The following CCDC85C variants were observed in gnomAD, a reference collection of about 807,000 sequenced individuals.
CCDC85C encodes the protein coiled-coil domain-containing protein 85C.
Under a neutral mutation model 38.3 loss-of-function variants are expected in CCDC85C, and 18 were observed. The ratio of observed to expected loss-of-function variants is 0.47; its 90% confidence interval spans 0.33 to 0.70. The LOEUF (loss-of-function observed/expected upper bound fraction) is 0.70, where lower values mean the gene tolerates loss of function less well. CCDC85C is among the 30% of genes least tolerant of loss of function. The pLI, the probability that CCDC85C is intolerant of heterozygous loss-of-function variation, is 0.03. For missense variants in CCDC85C, 566 were observed against 621.2 expected (o/e 0.91, Z 0.94); for synonymous variants, 264 against 293.8 (o/e 0.90, Z 1.04).
intron 1 of CCDC85C, among the ~76,000 whole-genome samples, chr14:99,593,256 T>C (rs1157211827): frequency 6.6e-6 from 1 of 152,240 alleles, no homozygotes; most frequent in Admixed American, 6.5e-5. Context: ...CCTTACAACC[T>C]GGGAGCCAAC....
chr14:99,564,392 T>G (rs1348542074), intron 1 of CCDC85C, among the ~76,000 whole-genome samples: 1 of 152,192 alleles, frequency 6.6e-6, no homozygotes, highest in Non-Finnish European at 1.5e-5. Context: ...ATGCCCCATA[T>G]GCCTGTGCCC....
intron 1 of CCDC85C, among the ~76,000 whole-genome samples, chr14:99,594,545 G>A (rs1409103758): frequency 6.6e-6 from 1 of 152,224 alleles, no homozygotes; most frequent in Non-Finnish European, 1.5e-5. Flanking sequence ...AACCCAGGCT[G>A]TAGGGCATAG....
intron 1 of CCDC85C, among the ~76,000 whole-genome samples, chr14:99,559,804 G>C (rs1362562531): frequency 6.6e-6 from 1 of 152,074 alleles, no homozygotes; most frequent in Non-Finnish European, 1.5e-5. Flanking sequence ...AGCGTGGACT[G>C]AAAAAGCCAG....
At chr14:99,564,967 C>T (rs993426109) in intron 1 of CCDC85C, among the ~76,000 whole-genome samples, 3 of 152,184 alleles carry the variant, frequency 2.0e-5, no homozygotes, top group African/African-American at 7.2e-5. Flanking sequence ...ATCTGCGTGG[C>T]GGCAGCTGCC....
chr14:99,571,345 G>GTAATAATAA lies in CCDC85C; in HGVS notation c.793+31813_793+31821dup, dbSNP rs3070433. 9.1e-3 allele frequency among the ~76,000 whole-genome samples: 1,363 copies of GTAATAATAA among 149,946 alleles called. 20 individuals are homozygous for GTAATAATAA. The highest frequency in any genetic ancestry group is 0.029 in the African/African-American group (1,167 of 40,602). ...AGCCACAGCAGCAATAGTAGTAGTAGTAATAATAATAATAATAATAATAAT... is the reference window on the plus strand; with the variant it reads ...AGCCACAGCAGCAATAGTAGTAGTAGTAATAATAATAATAATAATAATAATAATAATAAT... On this transcript the variant is annotated intron_variant, in intron 1 of 5. Transcript: ENST00000380243.
chr14:99,540,632 G>T (rs113074155), intron 1 of CCDC85C, among the ~76,000 whole-genome samples: 1 of 152,264 alleles, frequency 6.6e-6, no homozygotes, highest in Admixed American at 6.5e-5. Context: ...TGGCCAAGGG[G>T]TCCCCTGGGG....
chr14:99,532,968 G>A (rs1276683469), intron 2 of CCDC85C, among the ~76,000 whole-genome samples: 1 of 152,072 alleles, frequency 6.6e-6, no homozygotes, highest in Non-Finnish European at 1.5e-5. Flanking sequence ...TTTTAGTAGA[G>A]ACGAGGTTTT....
rs1437344261 is a variant in CCDC85C, at chr14:99,507,825, A to G, written c.*7421T>C. On this transcript the variant is annotated 3_prime_UTR_variant, in exon 6 of 6. Transcript: ENST00000380243. ...AGAATAAGCAATTGTACAGAGAGTA[A>G]ATGAAAGAGTGAAAAGTTCTCAACA... is the stretch of plus-strand genomic sequence containing the variant. 1 of 152,258 alleles carries G rather than the reference A, an allele frequency of 6.6e-6. No homozygotes were observed. Among genetic ancestry groups the G allele is most frequent in the African/African-American group, 2.4e-5 (1 of 41,434 alleles). The allele number at this position is 152,258 out of a possible 1,614,324, so 9.4% of individuals were successfully genotyped here.
chr14:99,571,297 G>T (rs1898336298), intron 1 of CCDC85C, among the ~76,000 whole-genome samples: 1 of 152,046 alleles, frequency 6.6e-6, no homozygotes, highest in South Asian at 2.1e-4. Context: ...AGGCCTGCCT[G>T]CCAGAGCTAC....
chr14:99,600,610 C>G lies in CCDC85C; in HGVS notation c.793+2557G>C, dbSNP rs901227261. On this transcript the variant is annotated intron_variant, in intron 1 of 5. Transcript: ENST00000380243. ...GAGATGATCATGGCAGCAAACCCAC[C>G]CAGGACAGGTACTTCCAATGTCAGC... Among the ~76,000 whole-genome samples, 9 of 152,204 alleles carry G rather than the reference C, an allele frequency of 5.9e-5. No homozygotes were observed. The East Asian group carries it at 1.7e-3, about 29-fold the overall frequency.
chr14:99,573,596 T>C (rs1898405708), intron 1 of CCDC85C, among the ~76,000 whole-genome samples: 1 of 152,314 alleles, frequency 6.6e-6, no homozygotes, highest in Non-Finnish European at 1.5e-5. Flanking sequence ...GGCCTGGACG[T>C]TCTGGCTCAA....
chr14:99,523,914 C>T (rs1897336460), intron 2 of CCDC85C, among the ~76,000 whole-genome samples: 1 of 151,924 alleles, frequency 6.6e-6, no homozygotes, highest in Non-Finnish European at 1.5e-5. Context: ...GAGGTCAGAT[C>T]AAGGAAAGCC....
intron 1 of CCDC85C, among the ~76,000 whole-genome samples, chr14:99,597,493 C>A (rs1204922100): frequency 6.6e-6 from 1 of 152,180 alleles, no homozygotes; most frequent in African/African-American, 2.4e-5. Flanking sequence ...AGGAATGCCC[C>A]TTCTCAGTGT....
intron 1 of CCDC85C, among the ~76,000 whole-genome samples, chr14:99,546,144 T>G (rs1296528741): frequency 1.3e-5 from 2 of 151,972 alleles, no homozygotes; most frequent in East Asian, 3.9e-4. Flanking sequence ...TTTTGCTGGT[T>G]TCAGGAGAAA....
intron 1 of CCDC85C, among the ~76,000 whole-genome samples, chr14:99,602,180 CGGA>C (rs944287112): frequency 3.9e-5 from 6 of 152,320 alleles, no homozygotes; most frequent in Admixed American, 3.3e-4. Flanking sequence ...AGGGAGGCCC[CGGA>C]TCCACCAGCG....
At chr14:99,556,558 C>A (rs1031861635) in intron 1 of CCDC85C, among the ~76,000 whole-genome samples, 12 of 152,142 alleles carry the variant, frequency 7.9e-5, no homozygotes, top group African/African-American at 2.9e-4. Flanking sequence ...CACTGTTGCC[C>A]AGGCTGGAGT....
At chr14:99,527,297 C>G (rs1834055937) in intron 2 of CCDC85C, among the ~76,000 whole-genome samples, 1 of 152,184 alleles carries the variant, frequency 6.6e-6, no homozygotes, top group Admixed American at 6.5e-5. Flanking sequence ...GGCTGGCACA[C>G]AGTTGGTCAC....
At chr14:99,591,419 G>A (rs2055084725) in intron 1 of CCDC85C, among the ~76,000 whole-genome samples, 1 of 152,260 alleles carries the variant, frequency 6.6e-6, no homozygotes. Flanking sequence ...CCTGGCCTGG[G>A]GCTGCGGAGG....
At chr14:99,537,542 G>C (rs963721868) in intron 1 of CCDC85C, among the ~76,000 whole-genome samples, 6 of 152,140 alleles carry the variant, frequency 3.9e-5, no homozygotes, top group Non-Finnish European at 8.8e-5. Context: ...GCAGGTACTG[G>C]AGCCCGGCCC....
Sources: allele counts gnomAD v4.1 joint callset (sites outside exome capture counted in the v4.1 genomes callset), GRCh38; gene constraint gnomAD v4.1.1; transcripts MANE v1.5; gene names NCBI Gene and HGNC (gene_info 2026-07-23, HGNC 2026-07-21).